Variants in SETD5 observed in about 807,000 individuals in gnomAD.
The protein encoded by SETD5 is SET domain containing 5.
In SETD5, 44 loss-of-function variants were observed where a neutral mutation model predicts 153.3. The ratio of observed to expected loss-of-function variants is 0.29; its 90% CI spans 0.23 to 0.37. SETD5 has a LOEUF of 0.37. SETD5 is among the 10% of genes least tolerant of loss of function. The probability of loss-of-function intolerance (pLI) is 1.00; values close to 1 mark genes in which losing one functional copy is unlikely to be tolerated. For missense variants in SETD5, 1,544 were observed against 1,768.0 expected (o/e 0.87, Z 2.27); for synonymous variants, 716 against 645.2 (o/e 1.11, Z -1.66).
intron 1 of SETD5, among the ~76,000 whole-genome samples, chr3:9,398,782 A>C (rs986664395): frequency 9.2e-5 from 14 of 152,196 alleles, no homozygotes; most frequent in African/African-American, 3.4e-4. Context: ...TCAAGTAGGT[A>C]AATCGCATGA....
chr3:9,416,147 G>C (rs1290568251), intron 1 of SETD5, among the ~76,000 whole-genome samples: 5 of 151,600 alleles, frequency 3.3e-5, no homozygotes, highest in Non-Finnish European at 7.4e-5. Context: ...TCCATTGGAA[G>C]GTGTGCCTCA....
At chr3:9,440,397 T>A (rs1271057062) in intron 7 of SETD5, 59 bp from the exon 8 acceptor site, 29 of 908,196 alleles carry the variant, frequency 3.2e-5, no homozygotes, top group Non-Finnish European at 5.1e-5. Flanking sequence ...CCCACCCCCA[T>A]TCCCAACCCT....
At chr3:9,418,790 C>T (rs1280091396) in intron 1 of SETD5, among the ~76,000 whole-genome samples, 15 of 146,692 alleles carry the variant, frequency 1.0e-4, no homozygotes, top group Non-Finnish European at 2.1e-4. Context: ...GCAACAAGAG[C>T]GAAACTCCGT....
At chr3:9,433,501 A>G (rs1250713490) in intron 3 of SETD5, 1 of 1,292,114 alleles carries the variant, frequency 7.7e-7, no homozygotes, top group African/African-American at 1.5e-5. Flanking sequence ...AATTAAGAAG[A>G]ATAGTTCTGA....
chr3:9,456,295 G>C (rs1261127020), intron 17 of SETD5, among the ~76,000 whole-genome samples: 2 of 151,960 alleles, frequency 1.3e-5, no homozygotes, highest in Non-Finnish European at 2.9e-5. Flanking sequence ...GGCCAACATG[G>C]TGAAACCCTG....
chr3:9,475,799 G>C lies in SETD5; in HGVS notation c.4037G>C (p.Ser1346Thr). ...AGGAGCTGCCCTTCTAGTGCTGCTA[G>C]CCCTACCCTGCAGGGACCCTCAGAC... is the stretch of plus-strand genomic sequence containing the variant. ...PRRSCPSSAA[S>T]PTLQGPSDSP... The change falls in exon 23 of 23, where the codon AGC (serine) becomes ACC (threonine). Residue 1346 changes from serine (S) to threonine (T), a missense_variant. Transcript: ENST00000402198. 2 of 1,613,998 alleles carry C rather than the reference G, an allele frequency of 1.2e-6. No individual in the cohort carries two copies. Among genetic ancestry groups the C allele is most frequent in the South Asian group, 2.2e-5 (2 of 91,086 alleles).
intron 3 of SETD5, chr3:9,433,619 A>G: frequency 1.8e-6 from 2 of 1,090,924 alleles, no homozygotes; most frequent in Non-Finnish European, 2.5e-6. Flanking sequence ...GCCTTCAGAC[A>G]TCTGCCTGTA....
chr3:9,413,260 T>G (rs1481309011), intron 1 of SETD5, among the ~76,000 whole-genome samples: 2 of 152,142 alleles, frequency 1.3e-5, no homozygotes, highest in African/African-American at 4.8e-5. Context: ...AATTTTAATA[T>G]TATAAAGAAG....
rs995392662 is a variant in SETD5, at chr3:9,447,409, A to G, written c.1782+102A>G. ...AAATCAGTGTTTTCAGCTTTGCTCC[A>G]TATCACAATAAATAAGGCCATTAAC... On this transcript the variant is annotated intron_variant, in intron 14 of 22. Transcript: ENST00000402198. The G allele has an allele frequency of 4.1e-6, 6 of 1,457,354 alleles. No individual in the cohort carries two copies. The African/African-American group carries it at 4.3e-5, about 10-fold the overall frequency. The allele number at this position is 1,457,354 out of a possible 1,614,324, so 90.3% of individuals were successfully genotyped here.
At position 9,449,384 on chromosome 3, in the gene SETD5, G is replaced by A. The variant is rs549847301; in HGVS notation, c.2346+754G>A. ...ATCACTCCCTCAGATCTATGATGTC[G>A]TTTTCCATGTTTCTAGAAGTATAGG... On this transcript the variant is annotated intron_variant, in intron 16 of 22. Coordinates refer to ENST00000402198, the MANE Select transcript of SETD5 (RefSeq NM_001080517.3). 2.6e-5 allele frequency: 4 copies of A among 152,186 alleles called. No individual in the cohort carries two copies. In the East Asian group the frequency reaches 7.7e-4, roughly 29 times the overall value. The allele number at this position is 152,186 out of a possible 1,614,324, so 9.4% of individuals were successfully genotyped here.
intron 1 of SETD5, among the ~76,000 whole-genome samples, chr3:9,410,116 C>G (rs1176064756): frequency 6.6e-6 from 1 of 152,142 alleles, no homozygotes; most frequent in East Asian, 1.9e-4. Context: ...CTAACATAAA[C>G]CTAGATGGTA....
intron 7 of SETD5, among the ~76,000 whole-genome samples, chr3:9,437,523 G>T (rs1050813167): frequency 1.6e-5 from 1 of 64,486 alleles, no homozygotes; most frequent in Non-Finnish European, 3.1e-5. Flanking sequence ...CCTCCTTTAC[G>T]TGTGTGTGTG....
intron 17 of SETD5, among the ~76,000 whole-genome samples, chr3:9,457,029 A>G (rs2043340679): frequency 6.8e-6 from 1 of 147,964 alleles, no homozygotes; most frequent in African/African-American, 2.5e-5. Context: ...AGAAAAGAAA[A>G]GAAGAAAGAA....
chr3:9,463,159 G>A (rs1011072047), intron 17 of SETD5, among the ~76,000 whole-genome samples: 5 of 152,096 alleles, frequency 3.3e-5, no homozygotes, highest in African/African-American at 9.7e-5. Context: ...AACTGGAACT[G>A]CAGGCATGCA....
At chr3:9,451,454 G>A (rs1270799354) in intron 16 of SETD5, among the ~76,000 whole-genome samples, 2 of 152,098 alleles carry the variant, frequency 1.3e-5, no homozygotes, top group Non-Finnish European at 2.9e-5. Context: ...CTTCTGGTGG[G>A]GGATAGTAGG....
intron 22 of SETD5, 143 bp from the exon 23 acceptor site, chr3:9,475,340 C>T: frequency 7.9e-7 from 1 of 1,260,812 alleles, no homozygotes; most frequent in Non-Finnish European, 1.1e-6. Context: ...TGATCAAAGA[C>T]AGACATTTTA....
At position 9,475,389 on chromosome 3, in the gene SETD5, A is replaced by G. The variant is rs115935571; in HGVS notation, c.3721-94A>G. On this transcript the variant is annotated intron_variant, in intron 22 of 22. Transcript: ENST00000402198. ...CCTAAAAAGAATACATGGTTAAAAG[A>G]TGAAGAAAAAAGAATGTAGGGTATT... The G allele has an allele frequency of 2.9e-4, 438 of 1,497,466 alleles. No individual in the cohort carries two copies. The African/African-American group carries it at 5.8e-3, about 20-fold the overall frequency. The allele number at this position is 1,497,466 out of a possible 1,614,324, so 92.8% of individuals were successfully genotyped here.
chr3:9,421,464 T>G (rs2038385728), intron 1 of SETD5, among the ~76,000 whole-genome samples: 1 of 152,028 alleles, frequency 6.6e-6, no homozygotes. Context: ...CCTAGCATAC[T>G]TTTCTTCTCC....
At chr3:9,433,662 A>G (rs1267241345) in intron 3 of SETD5, 183 bp from the exon 4 acceptor site, 14 of 860,256 alleles carry the variant, frequency 1.6e-5, no homozygotes, top group South Asian at 3.3e-5. Flanking sequence ...TCCACATTTA[A>G]TAACACTCCT....
Sources: allele counts gnomAD v4.1 joint callset (sites outside exome capture counted in the v4.1 genomes callset), GRCh38; gene constraint gnomAD v4.1.1; transcripts MANE v1.5; gene names NCBI Gene and HGNC (gene_info 2026-07-23, HGNC 2026-07-21).